Variants in PCDH15 observed in about 807,000 individuals in gnomAD.
PCDH15 encodes the protein protocadherin related 15, also known as protocadherin-15.
PCDH15 carries 129 observed loss-of-function variants against 178.5 expected under a neutral mutation model. The observed-to-expected ratio is 0.72, with a 90% CI of 0.63 to 0.84. PCDH15 has a LOEUF of 0.84. Among genes scored for constraint, PCDH15 ranks in the 40% least tolerant of loss-of-function variants. The pLI is 0.00. For synonymous variants in PCDH15, 800 were observed against 732.0 expected (o/e 1.09, Z -1.50); for missense variants, 2,230 against 2,099.9 (o/e 1.06, Z -1.21).
At chr10:55,266,246 G>A (rs1279169849) in intron 1 of PCDH15, among the ~76,000 whole-genome samples, 3 of 151,864 alleles carry the variant, frequency 2.0e-5, no homozygotes, top group Non-Finnish European at 4.4e-5. Flanking sequence ...ACTCCAAATG[G>A]CCAGGCAATT....
chr10:55,451,297 G>C (rs956926278), intron 2 of PCDH15, among the ~76,000 whole-genome samples: 4 of 152,094 alleles, frequency 2.6e-5, no homozygotes, highest in African/African-American at 9.6e-5. Context: ...AGGAGATCGA[G>C]GCCATCCTGG....
At chr10:55,147,609 C>G (rs1004689501) in intron 2 of PCDH15, among the ~76,000 whole-genome samples, 15 of 150,336 alleles carry the variant, frequency 1.0e-4, no homozygotes, top group Non-Finnish European at 2.1e-4. Flanking sequence ...CTCTCTTTGA[C>G]TCCTTTGTCT....
chr10:55,626,864 CTT>C (rs1289499807), intron 2 of PCDH15, among the ~76,000 whole-genome samples: 2 of 152,154 alleles, frequency 1.3e-5, no homozygotes, highest in Admixed American at 1.3e-4. Flanking sequence ...GGAAAGAAGT[CTT>C]TTATCATCCC....
chr10:54,388,068 T>C (rs1589159277), intron 3 of PCDH15, among the ~76,000 whole-genome samples: 1 of 152,316 alleles, frequency 6.6e-6, no homozygotes, highest in South Asian at 2.1e-4. Context: ...GCTGCACAAC[T>C]GTATGAATAT....
intron 3 of PCDH15, among the ~76,000 whole-genome samples, chr10:54,812,389 G>C (rs1952876997): frequency 6.6e-6 from 1 of 151,358 alleles, no homozygotes; most frequent in African/African-American, 2.4e-5. Flanking sequence ...TCCTGCCTCA[G>C]CCTCCCAAGT....
At chr10:54,110,408 C>T (rs2094997598) in intron 15 of PCDH15, among the ~76,000 whole-genome samples, 1 of 149,992 alleles carries the variant, frequency 6.7e-6, no homozygotes, top group Non-Finnish European at 1.5e-5. Flanking sequence ...TATAAGTAAA[C>T]AAAGGAAAAA....
intron 3 of PCDH15, among the ~76,000 whole-genome samples, chr10:54,516,600 T>G (rs1313571182): frequency 6.6e-6 from 1 of 152,150 alleles, no homozygotes; most frequent in Non-Finnish European, 1.5e-5. Flanking sequence ...TACCTGAAAG[T>G]GACGGGGAGA....
chr10:54,300,516 C>T (rs774265409), intron 8 of PCDH15, among the ~76,000 whole-genome samples: 49 of 152,178 alleles, frequency 3.2e-4, no homozygotes, highest in Admixed American at 1.4e-3. Context: ...GAGGACACTA[C>T]AGCTGCAGGG....
chr10:55,330,882 A>C (rs1223727532), intron 2 of PCDH15, among the ~76,000 whole-genome samples: 1 of 143,594 alleles, frequency 7.0e-6, no homozygotes, highest in African/African-American at 2.6e-5. Context: ...GTGTATGTGT[A>C]TGAGGGAATA....
chr10:54,719,642 G>A (rs763253706), intron 1 of PCDH15, among the ~76,000 whole-genome samples: 5 of 151,946 alleles, frequency 3.3e-5, no homozygotes, highest in Non-Finnish European at 7.4e-5. Flanking sequence ...AGCCCCACAT[G>A]CATTAGCTAT....
chr10:54,890,398 C>G (rs1454459190), intron 3 of PCDH15, among the ~76,000 whole-genome samples: 1 of 151,656 alleles, frequency 6.6e-6, no homozygotes, highest in African/African-American at 2.4e-5. Context: ...AAAAACAAAG[C>G]AAAAAGATAA....
At chr10:54,744,878 A>G (rs1945260156) in intron 1 of PCDH15, among the ~76,000 whole-genome samples, 1 of 152,142 alleles carries the variant, frequency 6.6e-6, no homozygotes, top group Admixed American at 6.6e-5. Context: ...GGGAGCAGGA[A>G]ATGACAATTA....
chr10:54,026,541 A>C (rs757255566), intron 18 of PCDH15, among the ~76,000 whole-genome samples: 2 of 152,208 alleles, frequency 1.3e-5, no homozygotes, highest in Non-Finnish European at 2.9e-5. Context: ...AATCTATGAC[A>C]ACTTAATTCA....
chr10:55,569,372 G>A (rs551097928), intron 2 of PCDH15, among the ~76,000 whole-genome samples: 25 of 152,030 alleles, frequency 1.6e-4, no homozygotes, highest in African/African-American at 5.8e-4. Context: ...ATAAGCATCT[G>A]TTATAAGTTC....
intron 3 of PCDH15, among the ~76,000 whole-genome samples, chr10:54,439,389 C>T (rs1234717393): frequency 6.6e-6 from 1 of 151,900 alleles, no homozygotes; most frequent in Non-Finnish European, 1.5e-5. Context: ...AACAAATAGT[C>T]TTATTATAGT....
intron 3 of PCDH15, among the ~76,000 whole-genome samples, chr10:54,458,283 G>A (rs891220803): frequency 2.3e-4 from 34 of 149,368 alleles, no homozygotes; most frequent in African/African-American, 6.4e-4. Flanking sequence ...TCACACTACC[G>A]TAAGAATTAG....
At chr10:55,155,190 T>C (rs1051635692) in intron 2 of PCDH15, among the ~76,000 whole-genome samples, 2 of 152,114 alleles carry the variant, frequency 1.3e-5, no homozygotes, top group Non-Finnish European at 2.9e-5. Flanking sequence ...AGTGAGACAT[T>C]ACAGAATATA....
intron 1 of PCDH15, among the ~76,000 whole-genome samples, chr10:55,195,004 C>A (rs1005171016): frequency 2.6e-5 from 4 of 151,460 alleles, no homozygotes; most frequent in Admixed American, 2.6e-4. Flanking sequence ...ATTACACACA[C>A]AAGACATGGA....
At position 53,830,990 on chromosome 10, in the gene PCDH15, CAG is replaced by C. The variant is rs541390336; in HGVS notation, c.4202+323_4202+324del. Among the ~76,000 whole-genome samples, 323 of 152,194 alleles carry C rather than the reference CAG, an allele frequency of 2.1e-3. 3 individuals are homozygous for C. The highest frequency in any genetic ancestry group is 7.1e-3 in the African/African-American group (296 of 41,510). ...ATATGACATTCCATTGCTTTTACCC[CAG>C]GATACCTGTTACCTTCTCTCCCAAG... On this transcript the variant is annotated intron_variant, in intron 30 of 37. Coordinates refer to ENST00000644397, the MANE Select transcript of PCDH15 (RefSeq NM_001384140.1).
Sources: gnomAD v4.1 joint callset for allele counts (sites outside exome capture counted in the v4.1 genomes callset) on GRCh38, gnomAD v4.1.1 for gene constraint, MANE v1.5 for transcripts, NCBI Gene and HGNC (gene_info 2026-07-23, HGNC 2026-07-21) for gene names.